Variants in UQCRC2 observed in about 807,000 individuals in gnomAD.
UQCRC2 encodes the protein ubiquinol-cytochrome c reductase core protein 2.
A neutral mutation model predicts 55.6 loss-of-function variants in UQCRC2; 49 were observed. The observed-to-expected ratio is 0.88, with a 90% CI of 0.70 to 1.12. UQCRC2 has a LOEUF of 1.12. Among genes scored for constraint, UQCRC2 ranks in the 50% most tolerant of loss-of-function variants. The probability of loss-of-function intolerance (pLI) is 0.00; values close to 1 mark genes in which losing one functional copy is unlikely to be tolerated. For synonymous variants in UQCRC2, 193 were observed against 192.0 expected (o/e 1.01, Z -0.04); for missense variants, 506 against 547.8 (o/e 0.92, Z 0.76).
Position 21,972,010 on chromosome 16 carries a change from C to T in UQCRC2, c.854C>T (p.Ala285Val). ...GTCGCGGGAAGTGCAGAGGCAAATG[C>T]ATTTAGTGTTCTTCAGCATGTCCTC... ...SAVAGSAEANAFSVLQHVLGA... is the reference protein window; with the variant it reads ...SAVAGSAEANVFSVLQHVLGA... Residue 285 changes from alanine (A) to valine (V), a missense_variant, in exon 10 of 14, where the codon GCA becomes GTA. By Grantham distance (64) the Ala-to-Val change is moderately conservative. Coordinates refer to ENST00000268379, the MANE Select transcript of UQCRC2 (RefSeq NM_003366.4). 1 of 1,614,134 alleles carries T rather than the reference C, an allele frequency of 6.2e-7. No individual in the cohort carries two copies. Among genetic ancestry groups the T allele is most frequent in the East Asian group, 2.2e-5 (1 of 44,876 alleles).
At chr16:21,956,493 G>A (rs956333546) in intron 1 of UQCRC2, among the ~76,000 whole-genome samples, 1 of 152,084 alleles carries the variant, frequency 6.6e-6, no homozygotes, top group African/African-American at 2.4e-5. Flanking sequence ...GCAATGACCC[G>A]AGATCGCACT....
chr16:21,957,253 G>A lies in UQCRC2; in HGVS notation c.52G>A (p.Val18Ile), dbSNP rs150152157. The change falls in exon 2 of 14, where the codon GTT (valine) becomes ATT (isoleucine). Residue 18 changes from valine (V) to isoleucine (I), a missense_variant. Val to Ile is a conservative substitution (Grantham distance 29). Transcript: ENST00000268379. The stretch of plus-strand genomic sequence containing the variant: ...TGTTTAGAGATTTTATTCCCTCAAA[G>A]TTGCCCCCAAAGTTAAAGCCACAGC... ...GSFSRFYSLK[V>I]APKVKATAAP... is the part of the protein sequence containing the mutation. 38 of 1,613,600 alleles carry A rather than the reference G, an allele frequency of 2.4e-5. No homozygotes were observed. In the African/African-American group the frequency reaches 3.7e-4, roughly 16 times the overall value.
chr16:21,971,090 G>GAT lies in UQCRC2; in HGVS notation c.671-434_671-433insTA. ...GATGGACAATGCAATGTTGTTTTAA[G>GAT]AGCTAACTATTAGAAACATGCTAGC... is the stretch of plus-strand genomic sequence containing the variant. On this transcript the variant is annotated intron_variant, in intron 8 of 13. Coordinates refer to ENST00000268379, the MANE Select transcript of UQCRC2 (RefSeq NM_003366.4). 1.3e-5 allele frequency among the ~76,000 whole-genome samples: 2 copies of GAT among 152,112 alleles called. 1 individual carries two copies. Among genetic ancestry groups the GAT allele is most frequent in the Middle Eastern group, 6.8e-3 (2 of 294 alleles).
chr16:21,958,107 A>T (rs1464648567), intron 3 of UQCRC2, among the ~76,000 whole-genome samples: 1 of 152,192 alleles, frequency 6.6e-6, no homozygotes, highest in Non-Finnish European at 1.5e-5. Context: ...ACACTGTTAA[A>T]CCCAGTACTG....
chr16:21,954,987 G>A (rs771064939), intron 1 of UQCRC2, among the ~76,000 whole-genome samples: 2 of 149,900 alleles, frequency 1.3e-5, no homozygotes, highest in Non-Finnish European at 3.0e-5. Flanking sequence ...CCCAGGAGGC[G>A]GAGGTTGCAG....
At chr16:21,956,645 A>G (rs369381074) in intron 1 of UQCRC2, among the ~76,000 whole-genome samples, 1 of 152,250 alleles carries the variant, frequency 6.6e-6, no homozygotes, top group Non-Finnish European at 1.5e-5. Flanking sequence ...TAACTGAAAG[A>G]TAAGAAAATA....
chr16:21,967,158 C>T (rs563778732), intron 7 of UQCRC2, among the ~76,000 whole-genome samples: 1 of 152,282 alleles, frequency 6.6e-6, no homozygotes, highest in Non-Finnish European at 1.5e-5. Context: ...CGCTAGAATA[C>T]TTGGAGCAAT....
chr16:21,956,161 G>A (rs1053727903), intron 1 of UQCRC2, among the ~76,000 whole-genome samples: 1 of 152,178 alleles, frequency 6.6e-6, no homozygotes, highest in Non-Finnish European at 1.5e-5. Context: ...GATGATTAAG[G>A]AGATGAAACC....
At position 21,980,564 on chromosome 16, in the gene UQCRC2, G is replaced by T; in HGVS notation, c.1142G>T (p.Gly381Val). ...TTGGACAGGAACAAGCTGAAAGCTG[G>T]ATACCTAATGTCAGTGGAGTCTTCT... ...VQAAKNKLKA[G>V]YLMSVESSEC... is the part of the protein sequence containing the mutation. Residue 381 changes from glycine to valine, a missense_variant, in exon 13 of 14, where the codon GGA (glycine) becomes GTA (valine). Gly to Val is a moderately radical substitution (Grantham distance 109, BLOSUM62 -3). Transcript: ENST00000268379. The T allele has an allele frequency of 1.9e-6, 3 of 1,613,978 alleles. No homozygotes were observed. Among genetic ancestry groups the T allele is most frequent in the South Asian group, 2.2e-5 (2 of 91,042 alleles).
Position 21,962,938 on chromosome 16 carries a change from G to C in UQCRC2, c.514+53G>C. 1.3e-6 allele frequency: 2 copies of C among 1,543,452 alleles called. 1 individual carries two copies. Among genetic ancestry groups the C allele is most frequent in the Non-Finnish European group, 1.7e-6 (2 of 1,146,214 alleles). On this transcript the variant is annotated intron_variant, in intron 6 of 13. Transcript: ENST00000268379. ...TTCTAAGATACTGGGTTTTTTAGAA[G>C]ATCAATTTATAGAAGAAAAAAAATT...
chr16:21,964,888 C>G (rs543085678), intron 6 of UQCRC2, among the ~76,000 whole-genome samples: 24 of 152,296 alleles, frequency 1.6e-4, no homozygotes, highest in African/African-American at 5.3e-4. Flanking sequence ...GGAAATACTG[C>G]AGGCAAAAAG....
At chr16:21,969,784 C>T (rs1898414903) in intron 8 of UQCRC2, among the ~76,000 whole-genome samples, 1 of 152,006 alleles carries the variant, frequency 6.6e-6, no homozygotes, top group South Asian at 2.1e-4. Context: ...GTGTGTTCAT[C>T]ATCCCCCCAA....
At chr16:21,954,148 TA>T (rs1029684837) in intron 1 of UQCRC2, among the ~76,000 whole-genome samples, 1 of 152,050 alleles carries the variant, frequency 6.6e-6, no homozygotes, top group African/African-American at 2.4e-5. Flanking sequence ...GGGGAACACT[TA>T]AAAAATCATA....
chr16:21,958,635 C>G, intron 4 of UQCRC2, 36 bp downstream of exon 4: 2 of 1,561,306 alleles, frequency 1.3e-6, no homozygotes, highest in Non-Finnish European at 1.8e-6. Flanking sequence ...AGTGAAAATG[C>G]CAGAAAATAT....
Position 21,962,888 on chromosome 16 carries a change from A to G in UQCRC2, c.514+3A>G. ...GGCCTTTCAGAATCCGCAGACTCGT[A>G]AGTACATTTCCAGATCACATTTGAT... On this transcript the variant is annotated splice_donor_region_variant and intron_variant, in intron 6 of 13. Coordinates refer to ENST00000268379, the MANE Select transcript of UQCRC2 (RefSeq NM_003366.4). 1 of 1,613,792 alleles carries G rather than the reference A, an allele frequency of 6.2e-7. No homozygotes were observed. Among genetic ancestry groups the G allele is most frequent in the Non-Finnish European group, 8.5e-7 (1 of 1,179,828 alleles).
chr16:21,961,259 C>A, intron 4 of UQCRC2: 2 of 405,048 alleles, frequency 4.9e-6, no homozygotes, highest in Non-Finnish European at 5.0e-6. Flanking sequence ...AAAAACCCCA[C>A]AGTTTTTAAT....
chr16:21,972,179 T>C, intron 10 of UQCRC2, 57 bp downstream of exon 10: 1 of 1,536,146 alleles, frequency 6.5e-7, no homozygotes, highest in South Asian at 1.2e-5. Flanking sequence ...GTATTTAAGA[T>C]ATAATTCTGA....
intron 10 of UQCRC2, 43 bp downstream of exon 10, chr16:21,972,165 C>T (rs1898480156): frequency 1.9e-6 from 3 of 1,568,762 alleles, no homozygotes; most frequent in Non-Finnish European, 2.6e-6. Flanking sequence ...CTTTCAAAGG[C>T]TCAGTATTTA....
chr16:21,964,578 T>G (rs1898281196), intron 6 of UQCRC2, among the ~76,000 whole-genome samples: 1 of 152,204 alleles, frequency 6.6e-6, no homozygotes, highest in South Asian at 2.1e-4. Context: ...TGCCTTTGTT[T>G]TGTCTGCTTC....
Sources: allele counts gnomAD v4.1 joint callset (sites outside exome capture counted in the v4.1 genomes callset), GRCh38; gene constraint gnomAD v4.1.1; transcripts MANE v1.5; gene names NCBI Gene and HGNC (gene_info 2026-07-23, HGNC 2026-07-21).